DLGAP2: variants seen among roughly 807,000 people sequenced by gnomAD.
DLGAP2 encodes the protein disks large-associated protein 2.
DLGAP2 carries 26 observed loss-of-function variants against 100.3 expected under a neutral mutation model. The observed-to-expected ratio is 0.26, with a 90% CI of 0.19 to 0.36. DLGAP2 has a LOEUF of 0.36. Ranked by LOEUF, DLGAP2 falls within the 10% of genes least tolerant of loss-of-function variation. The probability of loss-of-function intolerance (pLI) is 1.00; values close to 1 mark genes in which losing one functional copy is unlikely to be tolerated. For synonymous variants in DLGAP2, 886 were observed against 630.1 expected, an observed-to-expected ratio of 1.41 and a Z score of -6.08; for missense variants, 1,858 against 1,453.2, an observed-to-expected ratio of 1.28 and a Z score of -4.53.
chr8:944,491 G>C (rs1366229880), intron 2 of DLGAP2, among the ~76,000 whole-genome samples: 1 of 151,874 alleles, frequency 6.6e-6, no homozygotes, highest in Non-Finnish European at 1.5e-5. Context: ...GTCCCTGTGG[G>C]TGATCCATTG....
intron 2 of DLGAP2, among the ~76,000 whole-genome samples, chr8:1,140,910 G>C (rs772441984): frequency 5.9e-5 from 9 of 152,224 alleles, no homozygotes; most frequent in Admixed American, 1.3e-4. Flanking sequence ...CTTGAACCGG[G>C]GGGTGGAGGT....
chr8:1,112,107 G>A (rs926905522), intron 2 of DLGAP2, among the ~76,000 whole-genome samples: 3 of 151,996 alleles, frequency 2.0e-5, no homozygotes, highest in Non-Finnish European at 4.4e-5. Context: ...CATTCTGACT[G>A]GTGTGTGATG....
At chr8:1,129,522 G>A (rs748458862) in intron 2 of DLGAP2, among the ~76,000 whole-genome samples, 1 of 152,176 alleles carries the variant, frequency 6.6e-6, no homozygotes, top group African/African-American at 2.4e-5. Flanking sequence ...TAATCCTAAT[G>A]AAGTTTTGTA....
intron 3 of DLGAP2, among the ~76,000 whole-genome samples, chr8:1,424,639 C>T (rs535581125): frequency 2.0e-5 from 3 of 152,068 alleles, no homozygotes; most frequent in Admixed American, 6.6e-5. Context: ...GACAGAAGGC[C>T]GGATAGGACA....
At chr8:1,451,127 G>A (rs1224889259) in intron 3 of DLGAP2, among the ~76,000 whole-genome samples, 1 of 152,088 alleles carries the variant, frequency 6.6e-6, no homozygotes, top group Non-Finnish European at 1.5e-5. Context: ...GGCCATGGGT[G>A]GGACTGGAGT....
intron 6 of DLGAP2, among the ~76,000 whole-genome samples, chr8:1,623,812 A>G (rs1050597213): frequency 2.6e-5 from 4 of 152,272 alleles, no homozygotes; most frequent in African/African-American, 7.2e-5. Flanking sequence ...CAAAACACTT[A>G]TTAGCATTTC....
At chr8:1,501,280 T>C (rs1003464666) in intron 3 of DLGAP2, 86 bp from the exon 4 acceptor site, 11 of 1,348,066 alleles carry the variant, frequency 8.2e-6, no homozygotes, top group Non-Finnish European at 1.0e-5. Flanking sequence ...AACTGTTGAG[T>C]GTGGAGGGTT....
intron 2 of DLGAP2, among the ~76,000 whole-genome samples, chr8:925,812 C>A (rs373051267): frequency 1.3e-5 from 2 of 152,138 alleles, no homozygotes; most frequent in East Asian, 3.9e-4. Flanking sequence ...GCCCATGTGT[C>A]CATTCTAGCA....
intron 3 of DLGAP2, among the ~76,000 whole-genome samples, chr8:1,271,528 G>A (rs1213408118): frequency 6.6e-6 from 1 of 152,180 alleles, no homozygotes; most frequent in Non-Finnish European, 1.5e-5. Flanking sequence ...GCACGAACGA[G>A]ATAGTTGTAC....
At chr8:1,476,386 A>G (rs779655228) in intron 3 of DLGAP2, among the ~76,000 whole-genome samples, 1 of 151,830 alleles carries the variant, frequency 6.6e-6, no homozygotes, top group Non-Finnish European at 1.5e-5. Context: ...ATCTATTCCC[A>G]TCGCGCCTGT....
rs940656971 is a variant in DLGAP2 at position 1,331,924 on chromosome 8, A to G, written c.106+73041A>G. On this transcript the variant is annotated intron_variant, in intron 3 of 14. Coordinates refer to ENST00000637795, the MANE Select transcript of DLGAP2 (RefSeq NM_001346810.2). The stretch of plus-strand genomic sequence containing the variant: ...TCAGGGAGCCATGTGTCAGCAAACA[A>G]TCCCTAGGGAGCCACTGGGGAGGGC... Among the ~76,000 whole-genome samples, 7 of 152,170 alleles carry G rather than the reference A, an allele frequency of 4.6e-5. No individual in the cohort carries two copies. In the East Asian group the frequency reaches 1.4e-3, roughly 30 times the overall value.
chr8:1,220,206 T>C (rs1484047764), intron 2 of DLGAP2, among the ~76,000 whole-genome samples: 3 of 152,212 alleles, frequency 2.0e-5, no homozygotes, highest in Non-Finnish European at 4.4e-5. Context: ...TGTTAGCTTA[T>C]TAATTTGAAA....
rs189464425 is a variant in DLGAP2, at chr8:1,367,181, A to T, written c.106+108298A>T. Among the ~76,000 whole-genome samples the T allele has an allele frequency of 2.8e-4, 42 of 152,260 alleles. No individual in the cohort carries two copies. In the East Asian group the frequency reaches 4.8e-3, roughly 17 times the overall value. On this transcript the variant is annotated intron_variant, in intron 3 of 14. Coordinates refer to ENST00000637795, the MANE Select transcript of DLGAP2 (RefSeq NM_001346810.2). ...ATTTTGAGAAACAGTTTATCTTAGG[A>T]ATGGGGGGTTGGCCATTGAATCAAA...
In DLGAP2 at chr8:903,729, C is replaced by T. The variant is rs536315796; in HGVS notation, c.19-4183C>T. Among the ~76,000 whole-genome samples, 265 of 152,294 alleles carry T rather than the reference C, an allele frequency of 1.7e-3. 2 individuals are homozygous for T. Among genetic ancestry groups the T allele is most frequent in the Non-Finnish European group, 2.4e-3 (161 of 68,032 alleles). ...GTGATGTTATGGCTGAAACGTGTCT[C>T]CCAAAAAGTGTGTGATGGAGCCCAG... is the stretch of plus-strand genomic sequence containing the variant. On this transcript the variant is annotated intron_variant, in intron 1 of 14. Transcript: ENST00000637795.
intron 3 of DLGAP2, among the ~76,000 whole-genome samples, chr8:1,270,843 CAGAGT>C (rs1229916874): frequency 6.6e-6 from 1 of 151,730 alleles, no homozygotes; most frequent in Non-Finnish European, 1.5e-5. Flanking sequence ...TGTGTGTCTA[CAGAGT>C]GAAACCTCTG....
At chr8:1,242,078 ATTTG>A (rs1299255266) in intron 2 of DLGAP2, among the ~76,000 whole-genome samples, 1 of 152,182 alleles carries the variant, frequency 6.6e-6, no homozygotes, top group Non-Finnish European at 1.5e-5. Context: ...ACGGGATTTA[ATTTG>A]TTTGTAGATA....
intron 3 of DLGAP2, among the ~76,000 whole-genome samples, chr8:1,481,264 TC>T (rs1799084602): frequency 6.6e-6 from 1 of 152,082 alleles, no homozygotes; most frequent in South Asian, 2.1e-4. Flanking sequence ...TTTTACGTTT[TC>T]CTACATGATC....
chr8:1,594,798 T>TA (rs1322167229), intron 6 of DLGAP2, among the ~76,000 whole-genome samples: 1 of 152,100 alleles, frequency 6.6e-6, no homozygotes, highest in African/African-American at 2.4e-5. Flanking sequence ...AAAAAAAAGT[T>TA]AAACATTTTA....
At chr8:1,278,959 T>C (rs1359230412) in intron 3 of DLGAP2, among the ~76,000 whole-genome samples, 2 of 152,228 alleles carry the variant, frequency 1.3e-5, no homozygotes, top group Admixed American at 6.5e-5. Flanking sequence ...AAGTCACTTA[T>C]GATTTCTTTC....
Sources: allele counts gnomAD v4.1 joint callset (sites outside exome capture counted in the v4.1 genomes callset), GRCh38; gene constraint gnomAD v4.1.1; transcripts MANE v1.5; gene names NCBI Gene and HGNC (gene_info 2026-07-23, HGNC 2026-07-21).